NAALADL2: variants seen among roughly 807,000 people sequenced by gnomAD.
The protein encoded by NAALADL2 is inactive N-acetylated-alpha-linked acidic dipeptidase-like protein 2.
Under a neutral mutation model 87.2 loss-of-function variants are expected in NAALADL2, and 76 were observed. The ratio of observed to expected loss-of-function variants is 0.87; its 90% CI spans 0.72 to 1.05. The LOEUF (loss-of-function observed/expected upper bound fraction) is 1.05. NAALADL2 is among the 50% of genes least tolerant of loss of function. The probability of loss-of-function intolerance (pLI) is 0.00; values close to 1 mark genes in which losing one functional copy is unlikely to be tolerated. For synonymous variants in NAALADL2, 354 were observed against 331.0 expected (o/e 1.07, Z -0.75); for missense variants, 1,089 against 945.8 (o/e 1.15, Z -1.99).
intron 2 of NAALADL2, among the ~76,000 whole-genome samples, chr3:174,572,788 A>C (rs552782560): frequency 1.2e-4 from 19 of 152,220 alleles, no homozygotes; most frequent in Admixed American, 9.8e-4. Context: ...CTAAATCTTT[A>C]ATAGTGCAAG....
chr3:175,679,008 A>G (rs971052318), intron 11 of NAALADL2, among the ~76,000 whole-genome samples: 1 of 151,884 alleles, frequency 6.6e-6, no homozygotes, highest in African/African-American at 2.4e-5. Flanking sequence ...AGGTAAAGGA[A>G]AATTCAGTCA....
rs116486832 is a variant in NAALADL2 at position 175,537,400 on chromosome 3, T to G, written c.1654-38641T>G. Among the ~76,000 whole-genome samples the G allele has an allele frequency of 5.3e-3, 808 of 152,340 alleles. 3 individuals carry two copies. Among genetic ancestry groups the G allele is most frequent in the African/African-American group, 0.017 (709 of 41,576 alleles). On this transcript the variant is annotated intron_variant, in intron 9 of 13. Coordinates refer to ENST00000454872, the MANE Select transcript of NAALADL2 (RefSeq NM_207015.3). ...TGTATGAGGGAAGAGCAGAGATTGATCTTAGAAAGTGCATATTTTCGTGTA... is the reference window on the plus strand; with the variant it reads ...TGTATGAGGGAAGAGCAGAGATTGAGCTTAGAAAGTGCATATTTTCGTGTA...
intron 3 of NAALADL2, among the ~76,000 whole-genome samples, chr3:174,810,548 G>A (rs1388360276): frequency 1.3e-5 from 2 of 150,534 alleles, no homozygotes; most frequent in Admixed American, 6.6e-5. Context: ...TACCAGAAAA[G>A]CATTCAAGAT....
intron 1 of NAALADL2, among the ~76,000 whole-genome samples, chr3:174,979,903 T>C (rs545050078): frequency 6.6e-6 from 1 of 152,284 alleles, no homozygotes; most frequent in African/African-American, 2.4e-5. Context: ...TGAAAATCTT[T>C]CAATGACTCC....
chr3:175,575,803 T>C (rs1291852629), intron 9 of NAALADL2, among the ~76,000 whole-genome samples: 2 of 152,192 alleles, frequency 1.3e-5, no homozygotes, highest in Non-Finnish European at 2.9e-5. Context: ...GCTTTAATTC[T>C]GGCCAATGCT....
chr3:175,338,755 G>A (rs1405991683), intron 5 of NAALADL2, among the ~76,000 whole-genome samples: 2 of 152,032 alleles, frequency 1.3e-5, no homozygotes, highest in African/African-American at 4.8e-5. Flanking sequence ...GAGCAGGAGT[G>A]CAAGAGTTCC....
At chr3:175,304,854 CT>C (rs1464466830) in intron 4 of NAALADL2, among the ~76,000 whole-genome samples, 5 of 152,014 alleles carry the variant, frequency 3.3e-5, no homozygotes, top group Non-Finnish European at 7.4e-5. Flanking sequence ...TTATTTTCTA[CT>C]TTATTTTCTG....
rs943581473 is a variant in NAALADL2, at chr3:175,337,646, T to C, written c.1090+13321T>C. 4.6e-5 allele frequency among the ~76,000 whole-genome samples: 7 copies of C among 152,222 alleles called. No individual in the cohort carries two copies. The East Asian group carries it at 1.4e-3, about 29-fold the overall frequency. On this transcript the variant is annotated intron_variant, in intron 5 of 13. Transcript: ENST00000454872. ...CCTCCAGAATTTTGAAGACATAAAT[T>C]TCTATTGTTTTAAGCATCTCACTCA...
At chr3:174,502,802 G>A (rs1199640385) in intron 1 of NAALADL2, among the ~76,000 whole-genome samples, 1 of 152,012 alleles carries the variant, frequency 6.6e-6, no homozygotes, top group East Asian at 1.9e-4. Flanking sequence ...AGGCCGAGGT[G>A]GGTGGATCAT....
chr3:174,764,097 C>T (rs929869616), intron 3 of NAALADL2, among the ~76,000 whole-genome samples: 15 of 152,150 alleles, frequency 9.9e-5, no homozygotes, highest in Non-Finnish European at 1.8e-4. Flanking sequence ...ACTACCCAAG[C>T]CAGGACTATC....
chr3:175,767,179 TA>T (rs1275771008), intron 13 of NAALADL2, among the ~76,000 whole-genome samples: 1 of 152,042 alleles, frequency 6.6e-6, no homozygotes, highest in Admixed American at 6.6e-5. Context: ...GTCTGCTTGC[TA>T]AAAACACAAG....
At chr3:175,374,627 C>T (rs1235902398) in intron 5 of NAALADL2, among the ~76,000 whole-genome samples, 1 of 140,636 alleles carries the variant, frequency 7.1e-6, no homozygotes, top group Non-Finnish European at 1.5e-5. Flanking sequence ...AATCCCAGCA[C>T]TTTGGGAGGC....
chr3:175,719,117 G>A (rs942133619), intron 11 of NAALADL2, among the ~76,000 whole-genome samples: 2 of 151,870 alleles, frequency 1.3e-5, no homozygotes, highest in Non-Finnish European at 2.9e-5. Context: ...GAAGGTCTTG[G>A]TTAAAATAAA....
Position 175,486,803 on chromosome 3 carries a change from T to A in NAALADL2, c.1653+15045T>A, listed in dbSNP as rs1273123374. Among the ~76,000 whole-genome samples the A allele has an allele frequency of 5.3e-5, 8 of 152,278 alleles. No individual in the cohort carries two copies. In the East Asian group the frequency reaches 1.5e-3, roughly 29 times the overall value. On this transcript the variant is annotated intron_variant, in intron 9 of 13. Coordinates refer to ENST00000454872, the MANE Select transcript of NAALADL2 (RefSeq NM_207015.3). ...CACTCAGTTGTTTAGGACAAAGACC[T>A]TGGAGACCTCTTTCACTCCTCTCTT... is the stretch of plus-strand genomic sequence containing the variant.
intron 13 of NAALADL2, among the ~76,000 whole-genome samples, chr3:175,771,761 G>A (rs1559993389): frequency 6.6e-6 from 1 of 152,148 alleles, no homozygotes; most frequent in Non-Finnish European, 1.5e-5. Flanking sequence ...AATCACATCT[G>A]TATTAGTCTG....
At chr3:174,642,298 C>T (rs1723279856) in intron 2 of NAALADL2, among the ~76,000 whole-genome samples, 1 of 151,594 alleles carries the variant, frequency 6.6e-6, no homozygotes, top group Non-Finnish European at 1.5e-5. Context: ...GTCAGGAATT[C>T]AAGACCAGCC....
At chr3:174,934,638 C>T (rs1737402357) in intron 1 of NAALADL2, among the ~76,000 whole-genome samples, 1 of 151,842 alleles carries the variant, frequency 6.6e-6, no homozygotes, top group Non-Finnish European at 1.5e-5. Flanking sequence ...ATGCTGAGAC[C>T]TCGTCTCTAT....
At chr3:174,673,752 T>A (rs567490563) in intron 2 of NAALADL2, among the ~76,000 whole-genome samples, 6 of 152,040 alleles carry the variant, frequency 3.9e-5, no homozygotes, top group Admixed American at 1.3e-4. Context: ...ATAGGGTGAC[T>A]ATGCTTAAAA....
chr3:175,703,000 T>C (rs1484448849), intron 11 of NAALADL2, among the ~76,000 whole-genome samples: 3 of 152,168 alleles, frequency 2.0e-5, no homozygotes, highest in Non-Finnish European at 2.9e-5. Context: ...AAATATCCTA[T>C]GTAATTTCCT....
Sources: gnomAD v4.1 joint callset for allele counts (sites outside exome capture counted in the v4.1 genomes callset) on GRCh38, gnomAD v4.1.1 for gene constraint, MANE v1.5 for transcripts, NCBI Gene and HGNC (gene_info 2026-07-23, HGNC 2026-07-21) for gene names.